The following GMDS variants were observed in gnomAD, a reference collection of about 807,000 sequenced individuals.
GMDS encodes the protein GDP-mannose 4,6 dehydratase.
Under a neutral mutation model 49.9 loss-of-function variants are expected in GMDS, and 20 were observed. The ratio of observed to expected loss-of-function variants is 0.40; its 90% CI spans 0.28 to 0.58. GMDS has a LOEUF of 0.58. Among genes scored for constraint, GMDS ranks in the 20% least tolerant of loss-of-function variants. GMDS has a pLI of 0.42. For synonymous variants in GMDS, 177 were observed against 178.6 expected (o/e 0.99, Z 0.07); for missense variants, 362 against 481.4 (o/e 0.75, Z 2.32).
rs561387013 is a variant in GMDS at position 1,711,790 on chromosome 6, G to A, written c.987+14626C>T. ...TTGTGGAAAGCCATCTTTTCCGTCCGATTTTGTGCAGCATGGATGAAAGTC... is the reference window on the plus strand; with the variant it reads ...TTGTGGAAAGCCATCTTTTCCGTCCAATTTTGTGCAGCATGGATGAAAGTC... On this transcript the variant is annotated intron_variant, in intron 9 of 10. Transcript: ENST00000380815. Among the ~76,000 whole-genome samples the A allele has an allele frequency of 7.2e-5, 11 of 152,242 alleles. No homozygotes were observed. In the South Asian group the frequency reaches 2.3e-3, roughly 32 times the overall value.
intron 7 of GMDS, among the ~76,000 whole-genome samples, chr6:1,797,265 C>T (rs147267774): frequency 3.2e-4 from 49 of 152,286 alleles, no homozygotes; most frequent in African/African-American, 5.3e-4. Context: ...GTCATGAAAG[C>T]GTCCCCACCC....
chr6:2,112,205 T>A (rs1480940957), intron 4 of GMDS, among the ~76,000 whole-genome samples: 4 of 152,246 alleles, frequency 2.6e-5, no homozygotes, highest in Non-Finnish European at 5.9e-5. Flanking sequence ...TTTCTGAATA[T>A]CAAGAACTTT....
intron 7 of GMDS, among the ~76,000 whole-genome samples, chr6:1,850,583 G>A (rs1177252152): frequency 2.6e-5 from 4 of 151,968 alleles, no homozygotes; most frequent in African/African-American, 9.7e-5. Flanking sequence ...AAAGAAACAT[G>A]AGATTAAAAA....
At chr6:1,837,548 G>C (rs933860802) in intron 7 of GMDS, among the ~76,000 whole-genome samples, 1 of 152,012 alleles carries the variant, frequency 6.6e-6, no homozygotes, top group African/African-American at 2.4e-5. Context: ...ATTTTCTGTG[G>C]ACAGGAACAC....
At chr6:1,708,956 A>T (rs955664350) in intron 9 of GMDS, among the ~76,000 whole-genome samples, 8 of 152,232 alleles carry the variant, frequency 5.3e-5, no homozygotes, top group Admixed American at 1.3e-4. Flanking sequence ...CTACTTCCAG[A>T]AAATCCCTCA....
intron 7 of GMDS, among the ~76,000 whole-genome samples, chr6:1,880,747 C>T (rs529498572): frequency 8.1e-4 from 124 of 152,272 alleles, no homozygotes; most frequent in African/African-American, 2.9e-3. Flanking sequence ...CATTAATATA[C>T]TTCAAAACTC....
chr6:1,649,275 T>A (rs28585460), intron 9 of GMDS, among the ~76,000 whole-genome samples: 1 of 152,206 alleles, frequency 6.6e-6, no homozygotes, highest in African/African-American at 2.4e-5. Flanking sequence ...ACAGTCTTGC[T>A]GTGATTCACC....
intron 6 of GMDS, among the ~76,000 whole-genome samples, chr6:1,939,558 T>C (rs1193887108): frequency 3.5e-5 from 5 of 144,420 alleles, no homozygotes; most frequent in African/African-American, 1.0e-4. Flanking sequence ...TATATATACA[T>C]ATATATACCT....
chr6:1,903,842 G>C (rs1217144538), intron 7 of GMDS, among the ~76,000 whole-genome samples: 1 of 152,102 alleles, frequency 6.6e-6, no homozygotes, highest in Non-Finnish European at 1.5e-5. Context: ...ATATTCTTGG[G>C]TGGGCAGGAA....
At chr6:1,645,662 T>C (rs1449313725) in intron 9 of GMDS, among the ~76,000 whole-genome samples, 3 of 152,234 alleles carry the variant, frequency 2.0e-5, no homozygotes, top group Non-Finnish European at 2.9e-5. Flanking sequence ...ACTTCAACTA[T>C]GGCCTCTATG....
Position 1,937,242 on chromosome 6 carries a change from C to T in GMDS, c.644-7012G>A, listed in dbSNP as rs7763658. The stretch of plus-strand genomic sequence containing the variant: ...ATGATGCATTTCTCAGAACAAATCC[C>T]TGTGGTTCCGTGACGCATGACTGTA... On this transcript the variant is annotated intron_variant, in intron 6 of 10. Transcript: ENST00000380815. Among the ~76,000 whole-genome samples the T allele has an allele frequency of 2.5e-4, 38 of 152,284 alleles. No homozygotes were observed. In the East Asian group the frequency reaches 6.9e-3, roughly 28 times the overall value.
rs989464870 is a variant in GMDS, at chr6:1,816,050, G to A, written c.772-73464C>T. Among the ~76,000 whole-genome samples the A allele has an allele frequency of 4.6e-5, 7 of 152,222 alleles. No homozygotes were observed. In the East Asian group the frequency reaches 1.2e-3, roughly 25 times the overall value. ...TCTGCAAGGGGAAGTAAACGAGCAC[G>A]CATGCTCACTGCCCCACCAGTGAGG... is the stretch of plus-strand genomic sequence containing the variant. On this transcript the variant is annotated intron_variant, in intron 7 of 10. Coordinates refer to ENST00000380815, the MANE Select transcript of GMDS (RefSeq NM_001500.4).
chr6:2,187,234 C>T (rs9503116), intron 1 of GMDS, among the ~76,000 whole-genome samples: 4,937 of 152,252 alleles, frequency 0.032, 283 homozygotes, highest in African/African-American at 0.11. Context: ...GGAGTGGCCC[C>T]TACCTGTCTT....
intron 4 of GMDS, among the ~76,000 whole-genome samples, chr6:1,964,624 A>G (rs1764157172): frequency 6.6e-6 from 1 of 152,362 alleles, no homozygotes; most frequent in Non-Finnish European, 1.5e-5. Context: ...AGGAAGCTGT[A>G]CAACATGAAA....
At chr6:1,921,908 T>C (rs1045747650) in intron 7 of GMDS, among the ~76,000 whole-genome samples, 2 of 152,146 alleles carry the variant, frequency 1.3e-5, no homozygotes, top group Admixed American at 6.5e-5. Flanking sequence ...TGGAAAACAA[T>C]AGCAATACCT....
rs7743668 is a variant in GMDS at position 2,099,430 on chromosome 6, G to A, written c.345+16341C>T. On this transcript the variant is annotated intron_variant, in intron 4 of 10. Coordinates refer to ENST00000380815, the MANE Select transcript of GMDS (RefSeq NM_001500.4). ...GGGCACAACAGGTTCTACTGTAATT[G>A]TCTGTAAATTATAATAAATACCAAA... 3.1e-3 allele frequency among the ~76,000 whole-genome samples: 465 copies of A among 152,122 alleles called. 2 individuals carry two copies. Among genetic ancestry groups the A allele is most frequent in the African/African-American group, 0.011 (437 of 41,528 alleles).
chr6:1,651,501 C>T (rs1763651874), intron 9 of GMDS, among the ~76,000 whole-genome samples: 1 of 152,212 alleles, frequency 6.6e-6, no homozygotes, highest in Non-Finnish European at 1.5e-5. Flanking sequence ...TCCTGGCCAT[C>T]CCATGGGCAC....
intron 9 of GMDS, among the ~76,000 whole-genome samples, chr6:1,659,071 C>G (rs2814825): frequency 1.3e-5 from 2 of 152,172 alleles, no homozygotes; most frequent in East Asian, 3.9e-4. Context: ...CCTCATGAAC[C>G]ATGGGCCTCT....
At chr6:1,842,558 T>A (rs1013497098) in intron 7 of GMDS, among the ~76,000 whole-genome samples, 1 of 152,222 alleles carries the variant, frequency 6.6e-6, no homozygotes, top group Non-Finnish European at 1.5e-5. Flanking sequence ...CTGGGGATGA[T>A]GTCAATACTG....
Sources: gnomAD v4.1 joint callset for allele counts (sites outside exome capture counted in the v4.1 genomes callset) on GRCh38, gnomAD v4.1.1 for gene constraint, MANE v1.5 for transcripts, NCBI Gene and HGNC (gene_info 2026-07-23, HGNC 2026-07-21) for gene names.